Variants in CAMTA1 observed in about 807,000 individuals in gnomAD.
The protein encoded by CAMTA1 is calmodulin binding transcription activator 1, also known as calmodulin-binding transcription activator 1.
Under a neutral mutation model 170.9 loss-of-function variants are expected in CAMTA1, and 27 were observed. The ratio of observed to expected loss-of-function variants is 0.16; its 90% confidence interval spans 0.12 to 0.22. The LOEUF (loss-of-function observed/expected upper bound fraction) is 0.22. Among genes scored for constraint, CAMTA1 ranks in the 10% least tolerant of loss-of-function variants. The pLI is 1.00. For missense variants in CAMTA1, 1,619 were observed against 2,217.2 expected, an observed-to-expected ratio of 0.73 and a Z score of 5.42; for synonymous variants, 833 against 891.5, an observed-to-expected ratio of 0.93 and a Z score of 1.17.
At position 6,966,611 on chromosome 1, in the gene CAMTA1, C is replaced by CTT. The variant is rs70984045; in HGVS notation, c.235-124679_235-124678dup. Among the ~76,000 whole-genome samples the CTT allele has an allele frequency of 6.1e-3, 787 of 128,158 alleles. 61 individuals carry two copies. Among genetic ancestry groups the CTT allele is most frequent in the African/African-American group, 0.017 (573 of 33,724 alleles). The allele number at this position is 128,158 out of a possible 152,430, so 84.1% of individuals were successfully genotyped here. On this transcript the variant is annotated intron_variant, in intron 3 of 22. Coordinates refer to ENST00000303635, the MANE Select transcript of CAMTA1 (RefSeq NM_015215.4). ...GATTTTCCCTAAACACTTTTGAAAC[C>CTT]TTTTTTTTTTTTTTTAGAGACAGAG...
At chr1:7,086,937 C>A (rs1014327887) in intron 3 of CAMTA1, among the ~76,000 whole-genome samples, 12 of 152,328 alleles carry the variant, frequency 7.9e-5, no homozygotes, top group South Asian at 2.1e-4. Context: ...TTTGCCCCAG[C>A]CTCCTATGAA....
chr1:6,912,573 A>G (rs906909851), intron 3 of CAMTA1, among the ~76,000 whole-genome samples: 5 of 152,196 alleles, frequency 3.3e-5, no homozygotes, highest in African/African-American at 9.6e-5. Context: ...AAAGAAGTTC[A>G]TGTTTCCGTT....
intron 6 of CAMTA1, among the ~76,000 whole-genome samples, chr1:7,564,910 A>G (rs7556160): frequency 0.1 from 15,768 of 151,672 alleles, 1,375 homozygotes; most frequent in African/African-American, 0.24. Flanking sequence ...AGTCAAGGAG[A>G]AGGAGGGTGG....
intron 5 of CAMTA1, among the ~76,000 whole-genome samples, chr1:7,317,149 G>A (rs948349201): frequency 1.8e-4 from 28 of 152,184 alleles, no homozygotes; most frequent in African/African-American, 6.8e-4. Context: ...GTACAGGGAA[G>A]GAAGGCCTAG....
chr1:6,864,838 G>A (rs367658000), intron 3 of CAMTA1, among the ~76,000 whole-genome samples: 1 of 152,190 alleles, frequency 6.6e-6, no homozygotes, highest in Non-Finnish European at 1.5e-5. Flanking sequence ...TGTCGGAATT[G>A]TTCCTCAGTG....
chr1:7,750,294 C>G (rs1007189968), intron 19 of CAMTA1, among the ~76,000 whole-genome samples: 3 of 152,198 alleles, frequency 2.0e-5, no homozygotes, highest in African/African-American at 7.2e-5. Context: ...CTCATTTCAC[C>G]TCCTCATACA....
At chr1:7,471,733 A>G (rs2093334335) in intron 6 of CAMTA1, among the ~76,000 whole-genome samples, 1 of 152,230 alleles carries the variant, frequency 6.6e-6, no homozygotes, top group Non-Finnish European at 1.5e-5. Flanking sequence ...CTCGTGAGGT[A>G]GAGGAGGCAT....
Position 6,887,784 on chromosome 1 carries a change from C to G in CAMTA1, c.234+62574C>G. ...GAGAGCTTTCCCATCCTGCCAGCCC[C>G]ATGTCTGGCTTTAAGACAGTTCTAT... On this transcript the variant is annotated intron_variant, in intron 3 of 22. Coordinates refer to ENST00000303635, the MANE Select transcript of CAMTA1 (RefSeq NM_015215.4). This position sits in a 1 kb window ranked among gnomAD's most constrained non-coding sequence, Gnocchi z 4.1. The G allele has an allele frequency of 6.5e-7, 1 of 1,531,454 alleles. No homozygotes were observed. Among genetic ancestry groups the G allele is most frequent in the Non-Finnish European group, 8.7e-7 (1 of 1,144,690 alleles). The allele number at this position is 1,531,454 out of a possible 1,614,324, so 94.9% of individuals were successfully genotyped here.
At position 7,044,577 on chromosome 1, in the gene CAMTA1, T is replaced by C. The variant is rs887353239; in HGVS notation, c.235-46727T>C. Among the ~76,000 whole-genome samples, 1 of 152,192 alleles carries C rather than the reference T, an allele frequency of 6.6e-6. No individual in the cohort carries two copies. Among genetic ancestry groups the C allele is most frequent in the Non-Finnish European group, 1.5e-5 (1 of 68,022 alleles). The stretch of plus-strand genomic sequence containing the variant: ...ATTAGCAGATGGGTGATGGGGCCTC[T>C]AGCGGGCAGATTCTGTGGTGGCGCT... On this transcript the variant is annotated intron_variant, in intron 3 of 22. Coordinates refer to ENST00000303635, the MANE Select transcript of CAMTA1 (RefSeq NM_015215.4). This position sits in a 1 kb window ranked among gnomAD's most constrained non-coding sequence, Gnocchi z 5.0.
rs141288504 is a variant in CAMTA1 at position 7,655,797 on chromosome 1, G to A, written c.665-5929G>A. 4.0e-3 allele frequency among the ~76,000 whole-genome samples: 614 copies of A among 152,300 alleles called. 4 individuals carry two copies. The highest frequency in any genetic ancestry group is 0.014 in the African/African-American group (590 of 41,526). On this transcript the variant is annotated intron_variant, in intron 7 of 22. Transcript: ENST00000303635. Reference sequence around the variant, plus strand: ...TACACGCGCACCTGTACACACACACGTGTGCAGTGCATAGAGCAGGGTTGG... The same window carrying A: ...TACACGCGCACCTGTACACACACACATGTGCAGTGCATAGAGCAGGGTTGG...
intron 4 of CAMTA1, among the ~76,000 whole-genome samples, chr1:7,244,619 T>C (rs1181400140): frequency 6.6e-6 from 1 of 152,104 alleles, no homozygotes; most frequent in Non-Finnish European, 1.5e-5. Flanking sequence ...GAAACCATCA[T>C]TCTCAGCAAA....
chr1:7,252,173 G>A (rs1180254613), intron 5 of CAMTA1, among the ~76,000 whole-genome samples: 1 of 152,218 alleles, frequency 6.6e-6, no homozygotes, highest in Non-Finnish European at 1.5e-5. Flanking sequence ...GTCTGAGCAT[G>A]TTCAGTTTAT....
At chr1:6,908,800 C>T (rs1237501419) in intron 3 of CAMTA1, among the ~76,000 whole-genome samples, 1 of 152,222 alleles carries the variant, frequency 6.6e-6, no homozygotes. Context: ...TGCAGCTGCT[C>T]AGTGGGACAG....
rs1299853478 is a variant in CAMTA1 at position 7,738,754 on chromosome 1, C to G, written c.4182+272C>G. ...AACTTCTCAGAACTCACTGAGGACC[C>G]TACAGTACGTCATCTGCTTCCTCCT... On this transcript the variant is annotated intron_variant, in intron 16 of 22. Transcript: ENST00000303635. This position sits in a 1 kb window ranked among gnomAD's most constrained non-coding sequence, Gnocchi z 4.9. Among the ~76,000 whole-genome samples the G allele has an allele frequency of 6.6e-6, 1 of 152,150 alleles. No homozygotes were observed. Among genetic ancestry groups the G allele is most frequent in the Non-Finnish European group, 1.5e-5 (1 of 68,010 alleles).
At chr1:7,646,111 T>G (rs996292807) in intron 7 of CAMTA1, among the ~76,000 whole-genome samples, 1 of 148,336 alleles carries the variant, frequency 6.7e-6, no homozygotes, top group Non-Finnish European at 1.5e-5. Context: ...GTGGAGGCCC[T>G]GGTAAGTGTG....
intron 12 of CAMTA1, among the ~76,000 whole-genome samples, chr1:7,735,462 AAAAAG>A (rs1017441402): frequency 1.3e-5 from 2 of 151,974 alleles, no homozygotes; most frequent in African/African-American, 2.4e-5. Flanking sequence ...AAAAAAAAGA[AAAAAG>A]AAGAAGAAGA....
chr1:7,564,637 C>CGT lies in CAMTA1; in HGVS notation c.511-75749_511-75748dup, dbSNP rs150138917. Among the ~76,000 whole-genome samples the CGT allele has an allele frequency of 6.9e-3, 1,040 of 151,180 alleles. 14 individuals carry two copies. Among genetic ancestry groups the CGT allele is most frequent in the African/African-American group, 0.024 (992 of 41,252 alleles). On this transcript the variant is annotated intron_variant, in intron 6 of 22. Transcript: ENST00000303635. ...ATGTGCGGGTATGTACGTTTGCAGG[C>CGT]GTGTGTGTGTGTGTGCGTGTGACCC...
intron 3 of CAMTA1, among the ~76,000 whole-genome samples, chr1:6,908,369 GTT>G (rs1679004547): frequency 6.6e-6 from 1 of 152,180 alleles, no homozygotes; most frequent in South Asian, 2.1e-4. Flanking sequence ...CTGCTCTCAA[GTT>G]TATCTCCTGG....
chr1:6,914,661 G>A (rs759604149), intron 3 of CAMTA1, among the ~76,000 whole-genome samples: 2 of 152,184 alleles, frequency 1.3e-5, no homozygotes, highest in African/African-American at 2.4e-5. Context: ...AGGAAGGGGT[G>A]GCACATGTAC....
Sources: gnomAD v4.1 joint callset for allele counts (sites outside exome capture counted in the v4.1 genomes callset) on GRCh38, gnomAD v4.1.1 for gene constraint, Gnocchi (gnomAD v3.1) non-coding constraint, MANE v1.5 for transcripts, NCBI Gene and HGNC (gene_info 2026-07-23, HGNC 2026-07-21) for gene names.